FYB1: variants seen among roughly 807,000 people sequenced by gnomAD.
FYB1 encodes FYN-binding protein 1.
A neutral mutation model predicts 94.1 loss-of-function variants in FYB1; 41 were observed. That is an observed-to-expected ratio of 0.44 (90% CI 0.34 to 0.57). FYB1 has a LOEUF of 0.57. Ranked by LOEUF, FYB1 falls within the 20% of genes least tolerant of loss-of-function variation. The pLI, the probability that FYB1 is intolerant of heterozygous loss-of-function variation, is 0.02. For missense variants in FYB1, 1,050 were observed against 976.8 expected, an observed-to-expected ratio of 1.07 and a Z score of -1.00; for synonymous variants, 367 against 353.2, an observed-to-expected ratio of 1.04 and a Z score of -0.44.
chr5:39,252,284 T>G (rs1751751323), intron 1 of FYB1, among the ~76,000 whole-genome samples: 1 of 132,222 alleles, frequency 7.6e-6, no homozygotes, highest in South Asian at 2.3e-4. Flanking sequence ...AAAAGGATTA[T>G]GAAGAGTGTG....
chr5:39,237,801 G>A (rs1016938439), intron 1 of FYB1, among the ~76,000 whole-genome samples: 1 of 151,804 alleles, frequency 6.6e-6, no homozygotes, highest in African/African-American at 2.4e-5. Context: ...AGAATGAGAG[G>A]TTTCTTAGAG....
At chr5:39,170,440 G>T in intron 2 of FYB1, 1 of 400,530 alleles carries the variant, frequency 2.5e-6, no homozygotes, top group Non-Finnish European at 4.6e-6. Flanking sequence ...GACCTGGAGG[G>T]GGCCCAGGCT....
intron 2 of FYB1, among the ~76,000 whole-genome samples, chr5:39,198,222 A>C (rs532013477): frequency 6.6e-6 from 1 of 152,312 alleles, no homozygotes; most frequent in South Asian, 2.1e-4. Flanking sequence ...ATACACGGAA[A>C]GAGGTAAAGC....
chr5:39,201,959 C>T lies in FYB1; in HGVS notation c.1002G>A (p.Lys334=). 6.2e-7 allele frequency: 1 copy of T among 1,614,002 alleles called. No individual in the cohort carries two copies. The highest frequency in any genetic ancestry group is 1.3e-5 in the African/African-American group (1 of 75,056). The part of the protein sequence containing the change: ...GPWGQSQEKE[K]GDKNSATPKQ... ...TCGGGGTGGCTGAATTCTTGTCTCC[C>T]TTTTCCTTTTCCTGACTTTGGCCCC... is the stretch of plus-strand genomic sequence containing the variant. Residue 334 remains lysine (K), a synonymous_variant, in exon 2 of 19, where the codon AAG becomes AAA. Coordinates refer to ENST00000512982, the MANE Select transcript of FYB1 (RefSeq NM_001465.6).
chr5:39,174,152 G>C (rs939213654), intron 2 of FYB1, among the ~76,000 whole-genome samples: 3 of 152,148 alleles, frequency 2.0e-5, no homozygotes, highest in Non-Finnish European at 4.4e-5. Context: ...TCTCCTTGAA[G>C]AGGTCTTTGA....
chr5:39,192,106 G>T (rs921302884), intron 2 of FYB1, among the ~76,000 whole-genome samples: 5 of 152,206 alleles, frequency 3.3e-5, no homozygotes, highest in African/African-American at 4.8e-5. Context: ...TTAGCAGATT[G>T]TATGAAACAA....
intron 12 of FYB1, among the ~76,000 whole-genome samples, chr5:39,125,339 C>CA (rs1740547121): frequency 6.6e-6 from 1 of 151,950 alleles, no homozygotes; most frequent in South Asian, 2.1e-4. Flanking sequence ...CTTTCAAATT[C>CA]ATATGTATGG....
intron 3 of FYB1, 50 bp from the exon 4 acceptor site, chr5:39,141,191 C>G (rs746251866): frequency 8.4e-7 from 1 of 1,185,012 alleles, no homozygotes; most frequent in Non-Finnish European, 1.2e-6. Flanking sequence ...TAGATGCTCA[C>G]CTTACAATGA....
At chr5:39,240,197 T>C (rs1188613802) in intron 1 of FYB1, among the ~76,000 whole-genome samples, 1 of 152,128 alleles carries the variant, frequency 6.6e-6, no homozygotes, top group African/African-American at 2.4e-5. Flanking sequence ...AACTTAAATG[T>C]AAAACCTAAA....
At chr5:39,173,539 G>T (rs1198145082) in intron 2 of FYB1, among the ~76,000 whole-genome samples, 1 of 152,058 alleles carries the variant, frequency 6.6e-6, no homozygotes, top group African/African-American at 2.4e-5. Context: ...GAGAAGGGTA[G>T]TTTCTAGGTT....
rs143022175 is a variant in FYB1, at chr5:39,255,415, T to C, written c.-28+18988A>G. Among the ~76,000 whole-genome samples the C allele has an allele frequency of 2.7e-3, 406 of 148,918 alleles. 1 individual carries two copies. The highest frequency in any genetic ancestry group is 3.8e-3 in the Non-Finnish European group (254 of 67,652). ...ATCCTTGCTTTATCACATCTCTCCA[T>C]TTATCCATTCACCTGTTTTTTTTTT... On this transcript the variant is annotated intron_variant, in intron 1 of 1. Transcript: ENST00000510188.
intron 1 of FYB1, among the ~76,000 whole-genome samples, chr5:39,255,522 G>A (rs1484900593): frequency 2.0e-5 from 3 of 147,764 alleles, no homozygotes; most frequent in Non-Finnish European, 4.4e-5. Flanking sequence ...TTCCACACAC[G>A]CACACTCAAG....
intron 16 of FYB1, among the ~76,000 whole-genome samples, chr5:39,112,660 C>T (rs1186951087): frequency 3.9e-5 from 6 of 151,924 alleles, no homozygotes; most frequent in East Asian, 1.9e-4. Flanking sequence ...AAACACTAAA[C>T]GAAAAGAGAG....
At chr5:39,128,170 G>C (rs1410597256) in intron 10 of FYB1, among the ~76,000 whole-genome samples, 1 of 152,136 alleles carries the variant, frequency 6.6e-6, no homozygotes, top group Non-Finnish European at 1.5e-5. Context: ...TTTAGGAAAA[G>C]ATACTGATCA....
At position 39,144,964 on chromosome 5, in the gene FYB1, AT is replaced by A. The variant is rs560168482; in HGVS notation, c.1293-3824del. Among the ~76,000 whole-genome samples, 248 of 152,254 alleles carry A rather than the reference AT, an allele frequency of 1.6e-3. 1 individual carries two copies. The highest frequency in any genetic ancestry group is 2.9e-3 in the South Asian group (14 of 4,828). The stretch of plus-strand genomic sequence containing the variant: ...TATTTTATATTAATGCACAGAATCT[AT>A]TTTTTTAGGAATAACTACTGAAATA... On this transcript the variant is annotated intron_variant, in intron 3 of 18. Transcript: ENST00000512982.
intron 8 of FYB1, among the ~76,000 whole-genome samples, chr5:39,134,611 C>T (rs1580351436): frequency 6.6e-6 from 1 of 152,056 alleles, no homozygotes; most frequent in Admixed American, 6.6e-5. Context: ...TTTTTAACAT[C>T]AATGAAAAAC....
At chr5:39,226,280 G>A (rs1005986274) in intron 1 of FYB1, among the ~76,000 whole-genome samples, 6 of 152,058 alleles carry the variant, frequency 3.9e-5, no homozygotes, top group Non-Finnish European at 8.8e-5. Context: ...TTTAACTGCA[G>A]TGGCTTCCGA....
chr5:39,124,305 T>A (rs1377334265), intron 12 of FYB1, 27 bp from the exon 13 acceptor site: 1 of 1,512,320 alleles, frequency 6.6e-7, no homozygotes, highest in Non-Finnish European at 8.9e-7. Flanking sequence ...AACACAATTA[T>A]AATCAGACTA....
At chr5:39,169,176 G>A in intron 2 of FYB1, 1 of 787,344 alleles carries the variant, frequency 1.3e-6, no homozygotes, top group Non-Finnish European at 2.3e-6. Context: ...TTTAGAAAAA[G>A]ACAACTAATC....
Sources: allele counts gnomAD v4.1 joint callset (sites outside exome capture counted in the v4.1 genomes callset), GRCh38; gene constraint gnomAD v4.1.1; transcripts MANE v1.5; gene names NCBI Gene and HGNC (gene_info 2026-07-23, HGNC 2026-07-21).